EDEM3: variants seen among roughly 807,000 people sequenced by gnomAD.
EDEM3 encodes ER degradation-enhancing alpha-mannosidase-like protein 3.
In EDEM3, 60 loss-of-function variants were observed where a neutral mutation model predicts 110.2. The observed-to-expected ratio is 0.54, with a 90% CI of 0.44 to 0.67. The LOEUF is 0.67. Ranked by LOEUF, EDEM3 falls within the 30% of genes least tolerant of loss-of-function variation. The pLI, the probability that EDEM3 is intolerant of heterozygous loss-of-function variation, is 0.00. For synonymous variants in EDEM3, 352 were observed against 382.9 expected (o/e 0.92, Z 0.94); for missense variants, 996 against 1,121.0 (o/e 0.89, Z 1.59).
chr1:184,710,404 T>G lies in EDEM3; in HGVS notation c.1835A>C (p.His612Pro). The G allele has an allele frequency of 6.2e-7, 1 of 1,613,884 alleles. No individual in the cohort carries two copies. The highest frequency in any genetic ancestry group is 8.5e-7 in the Non-Finnish European group (1 of 1,179,846). Residue 612 changes from histidine (H) to proline (P), a missense_variant, in exon 16 of 20, where the codon CAT becomes CCT. His to Pro is a moderately conservative substitution (Grantham distance 77, BLOSUM62 -2). Around this residue, in one of 5 missense-constraint regions of EDEM3, gnomAD observed 345 missense variants for 402.0 expected, o/e 0.86. Coordinates refer to ENST00000318130, the MANE Select transcript of EDEM3 (RefSeq NM_025191.4). ...LKDGRVQLVQ[H>P]AIQAASSIDA... The stretch of plus-strand genomic sequence containing the variant: ...GTAGCAATGTCTTACTTGGATTGCA[T>G]GTTGGACCAACTGGACTCTCCCATC...
At chr1:184,708,469 C>T (rs2102068968) in intron 16 of EDEM3, 125 bp from the exon 17 acceptor site, 3 of 907,284 alleles carry the variant, frequency 3.3e-6, no homozygotes, top group South Asian at 1.7e-5. Context: ...TAGGTCACCA[C>T]CAAGTATTTA....
chr1:184,724,086 G>A (rs1571387002), intron 7 of EDEM3, among the ~76,000 whole-genome samples: 1 of 151,888 alleles, frequency 6.6e-6, no homozygotes, highest in East Asian at 1.9e-4. Flanking sequence ...CTATTCAGAG[G>A]AAGGCTCACT....
rs140954880 is a variant in EDEM3 at position 184,712,899 on chromosome 1, A to C, written c.1371-301T>G. ...AAGTTCTCCATTTCTTCTATAGAGAATCAACAGCAGGGAGGTAACTGATAA... is the reference window on the plus strand; with the variant it reads ...AAGTTCTCCATTTCTTCTATAGAGACTCAACAGCAGGGAGGTAACTGATAA... On this transcript the variant is annotated intron_variant, in intron 13 of 19. Transcript: ENST00000318130. Among the ~76,000 whole-genome samples the C allele has an allele frequency of 2.8e-3, 434 of 152,350 alleles. 5 individuals carry two copies. In the East Asian group the frequency reaches 0.036, roughly 13 times the overall value.
At chr1:184,747,025 A>G (rs1652467618) in intron 2 of EDEM3, among the ~76,000 whole-genome samples, 1 of 151,940 alleles carries the variant, frequency 6.6e-6, no homozygotes, top group African/African-American at 2.4e-5. Context: ...AAATGCAAAA[A>G]AAAAAAAACA....
chr1:184,725,051 G>C (rs1183641095), intron 7 of EDEM3, among the ~76,000 whole-genome samples: 1 of 152,146 alleles, frequency 6.6e-6, no homozygotes, highest in Admixed American at 6.6e-5. Flanking sequence ...TTCCAATAAA[G>C]CTTTATTTAT....
intron 2 of EDEM3, among the ~76,000 whole-genome samples, chr1:184,743,587 C>A (rs1184009142): frequency 6.6e-6 from 1 of 152,072 alleles, no homozygotes; most frequent in Non-Finnish European, 1.5e-5. Flanking sequence ...CAAGTCAAAG[C>A]AGCATCAAAA....
intron 7 of EDEM3, among the ~76,000 whole-genome samples, chr1:184,725,570 G>T (rs1651146786): frequency 1.3e-5 from 2 of 151,626 alleles, no homozygotes; most frequent in Non-Finnish European, 2.9e-5. Flanking sequence ...TTTACATTCA[G>T]ATCTAGTATC....
chr1:184,750,976 CAAACAGA>C (rs1455175547), intron 1 of EDEM3, among the ~76,000 whole-genome samples: 2 of 152,056 alleles, frequency 1.3e-5, no homozygotes, highest in African/African-American at 2.4e-5. Context: ...ATAGAGCTAG[CAAACAGA>C]AAAGACCTCA....
At chr1:184,730,504 T>A (rs546477909) in intron 6 of EDEM3, among the ~76,000 whole-genome samples, 1 of 152,254 alleles carries the variant, frequency 6.6e-6, no homozygotes, top group Non-Finnish European at 1.5e-5. Context: ...GGAGGATCAC[T>A]TGAGCCCAGG....
In EDEM3 at chr1:184,694,388, T is replaced by C; in HGVS notation, c.2474A>G (p.Gln825Arg). 1 of 1,612,374 alleles carries C rather than the reference T, an allele frequency of 6.2e-7. No homozygotes were observed. The change falls in exon 20 of 20, where the codon CAG (glutamine) becomes CGG (arginine). Residue 825 changes from glutamine (Q) to arginine (R), a missense_variant. Physicochemically the swap from Gln to Arg is conservative, Grantham distance 43. Coordinates refer to ENST00000318130, the MANE Select transcript of EDEM3 (RefSeq NM_025191.4). ...CTCTTGATCAACCAAATCAACCTCC[T>C]GAGAACTTGATGAAATCTGTTCACC... ...QSGEQISSSS[Q>R]EVDLVDQESS...
intron 6 of EDEM3, among the ~76,000 whole-genome samples, chr1:184,728,550 T>A (rs1465012546): frequency 6.6e-6 from 1 of 152,160 alleles, no homozygotes; most frequent in Non-Finnish European, 1.5e-5. Context: ...TTATCTATAG[T>A]ATCTGCTCAT....
chr1:184,739,333 AAAGT>A (rs959336332), intron 2 of EDEM3, among the ~76,000 whole-genome samples: 3 of 149,246 alleles, frequency 2.0e-5, no homozygotes, highest in African/African-American at 4.9e-5. Context: ...ATTAAGATTA[AAAGT>A]AATAATTTAA....
intron 2 of EDEM3, among the ~76,000 whole-genome samples, chr1:184,739,846 A>T (rs923079183): frequency 6.6e-6 from 1 of 152,216 alleles, no homozygotes; most frequent in African/African-American, 2.4e-5. Flanking sequence ...TCAAGTACCA[A>T]AATTAAACGG....
In EDEM3 at chr1:184,692,625, TA is replaced by T. The variant is rs1649110210; in HGVS notation, c.*1437del. The T allele has an allele frequency of 6.6e-6, 1 of 152,160 alleles. No individual in the cohort carries two copies. Among genetic ancestry groups the T allele is most frequent in the African/African-American group, 2.4e-5 (1 of 41,544 alleles). The allele number at this position is 152,160 out of a possible 1,614,324, so 9.4% of individuals were successfully genotyped here. A position where few individuals can be genotyped will look rare whatever the true frequency, so the allele number is the denominator to read the frequency against. The stretch of plus-strand genomic sequence containing the variant: ...GTAAAGAGAAGAAAATTATGTCTCT[TA>T]AATATTCCTTTAGAACAAATTCAGG... On this transcript the variant is annotated 3_prime_UTR_variant, in exon 20 of 20. Coordinates refer to ENST00000318130, the MANE Select transcript of EDEM3 (RefSeq NM_025191.4).
At chr1:184,697,767 A>G (rs1649403842) in intron 19 of EDEM3, among the ~76,000 whole-genome samples, 1 of 151,854 alleles carries the variant, frequency 6.6e-6, no homozygotes. Context: ...AACAGGATGG[A>G]GTGATCTTCT....
chr1:184,729,997 GA>G (rs955285208), intron 6 of EDEM3, among the ~76,000 whole-genome samples: 13 of 152,014 alleles, frequency 8.6e-5, no homozygotes, highest in African/African-American at 3.1e-4. Context: ...AATATGCTAA[GA>G]AAAAAATGAT....
chr1:184,721,490 TA>T (rs1243454279), intron 8 of EDEM3, 104 bp from the exon 9 acceptor site: 54 of 695,182 alleles, frequency 7.8e-5, no homozygotes, highest in Non-Finnish European at 1.2e-4. Flanking sequence ...ACATTGTGCA[TA>T]TATATGACTA....
At position 184,754,839 on chromosome 1, in the gene EDEM3, C is replaced by T. The variant is rs575936652; in HGVS notation, c.-193G>A. 175 of 893,738 alleles carry T rather than the reference C, an allele frequency of 2.0e-4. No homozygotes were observed. The highest frequency in any genetic ancestry group is 1.6e-3 in the Admixed American group (44 of 27,932). 55.4% of individuals were successfully genotyped at this position (893,738 alleles called of 1,614,324 possible). On this transcript the variant is annotated 5_prime_UTR_variant, in exon 1 of 20. Coordinates refer to ENST00000318130, the MANE Select transcript of EDEM3 (RefSeq NM_025191.4). ...CAGCGCCAGCGCTGCCACCGCCCTC[C>T]GCCCTCAGTATCCCGGAGCGCCTCC...
intron 19 of EDEM3, among the ~76,000 whole-genome samples, chr1:184,701,221 C>G (rs1308292212): frequency 1.3e-5 from 2 of 151,868 alleles, no homozygotes; most frequent in Non-Finnish European, 2.9e-5. Flanking sequence ...AAAATGTGAT[C>G]AAAGTAATAA....
Sources: gnomAD v4.1 joint callset for allele counts (sites outside exome capture counted in the v4.1 genomes callset) on GRCh38, gnomAD v4.1.1 for gene constraint, gnomAD v4.1.1 regional missense constraint, MANE v1.5 for transcripts, NCBI Gene and HGNC (gene_info 2026-07-23, HGNC 2026-07-21) for gene names.